The following CDK8 variants were observed in gnomAD, a reference collection of about 807,000 sequenced individuals.
The protein encoded by CDK8 is cyclin-dependent kinase 8.
A neutral mutation model predicts 71.5 loss-of-function variants in CDK8; 29 were observed. The ratio of observed to expected loss-of-function variants is 0.41; its 90% CI spans 0.30 to 0.55. The LOEUF is 0.55. Ranked by LOEUF, CDK8 falls within the 20% of genes least tolerant of loss-of-function variation. The probability of loss-of-function intolerance (pLI) is 0.37; values close to 1 mark genes in which losing one functional copy is unlikely to be tolerated. For missense variants in CDK8, 288 were observed against 572.6 expected, an observed-to-expected ratio of 0.50 and a Z score of 5.07; for synonymous variants, 161 against 192.1, an observed-to-expected ratio of 0.84 and a Z score of 1.34.
intron 1 of CDK8, among the ~76,000 whole-genome samples, chr13:26,330,562 C>T (rs1240896633): frequency 6.6e-6 from 1 of 152,156 alleles, no homozygotes. Flanking sequence ...TTTCATTCAC[C>T]CTTTTGCCTC....
intron 1 of CDK8, among the ~76,000 whole-genome samples, chr13:26,287,433 G>A (rs886209043): frequency 1.3e-5 from 2 of 152,204 alleles, no homozygotes; most frequent in African/African-American, 4.8e-5. Context: ...CCTGGATGGA[G>A]TCGGAGACCA....
intron 1 of CDK8, among the ~76,000 whole-genome samples, chr13:26,268,256 AACAC>A (rs3027999): frequency 0.089 from 10,408 of 116,584 alleles, 550 homozygotes; most frequent in South Asian, 0.15. Flanking sequence ...CCCCTCCCCC[AACAC>A]ACACACACAC....
intron 4 of CDK8, among the ~76,000 whole-genome samples, chr13:26,360,868 A>G (rs896434217): frequency 4.6e-5 from 7 of 152,162 alleles, no homozygotes; most frequent in Non-Finnish European, 8.8e-5. Context: ...AGTGGTGCAC[A>G]AAAGCTTCCC....
intron 7 of CDK8, among the ~76,000 whole-genome samples, chr13:26,395,487 CAA>C (rs11361110): frequency 0.01 from 977 of 94,294 alleles, 10 homozygotes; most frequent in African/African-American, 0.029. Context: ...AACTCCGTCT[CAA>C]AAAAAAAAAA....
chr13:26,287,040 T>C (rs941536099), intron 1 of CDK8, among the ~76,000 whole-genome samples: 1 of 152,086 alleles, frequency 6.6e-6, no homozygotes, highest in Non-Finnish European at 1.5e-5. Flanking sequence ...GGGAACACTT[T>C]TACACTGCTG....
chr13:26,286,575 G>A (rs142151714), intron 1 of CDK8, among the ~76,000 whole-genome samples: 1,878 of 152,202 alleles, frequency 0.012, 17 homozygotes, highest in Non-Finnish European at 0.017. Flanking sequence ...AGATAACATC[G>A]GAAAAACCCT....
chr13:26,356,215 C>T (rs1163184522), intron 4 of CDK8, among the ~76,000 whole-genome samples: 1 of 152,094 alleles, frequency 6.6e-6, no homozygotes, highest in Non-Finnish European at 1.5e-5. Context: ...AATAATAAAG[C>T]ACATTAAAAG....
intron 9 of CDK8, among the ~76,000 whole-genome samples, chr13:26,399,263 G>A (rs1876142844): frequency 6.6e-6 from 1 of 152,124 alleles, no homozygotes; most frequent in African/African-American, 2.4e-5. Flanking sequence ...ATCCACCTTG[G>A]CCTCCCAAAG....
intron 1 of CDK8, among the ~76,000 whole-genome samples, chr13:26,265,434 A>G (rs1485095022): frequency 6.6e-6 from 1 of 152,178 alleles, no homozygotes; most frequent in African/African-American, 2.4e-5. Context: ...AGAAATTGTG[A>G]ATGGGCAATA....
At chr13:26,270,521 C>A (rs1254509123) in intron 1 of CDK8, among the ~76,000 whole-genome samples, 1 of 152,126 alleles carries the variant, frequency 6.6e-6, no homozygotes, top group South Asian at 2.1e-4. Context: ...AACCCCGTAC[C>A]CATTAGCAAT....
In CDK8 at chr13:26,310,297, G is replaced by A. The variant is rs374472745; in HGVS notation, c.129-27270G>A. Among the ~76,000 whole-genome samples the A allele has an allele frequency of 7.2e-5, 11 of 152,216 alleles. No individual in the cohort carries two copies. In the East Asian group the frequency reaches 7.7e-4, roughly 11 times the overall value. ...TGAAATTGTACAGTGTTGGTGAGCC[G>A]TTAAGTTTTTAACTTGTTCCCTCTA... On this transcript the variant is annotated intron_variant, in intron 1 of 12. Coordinates refer to ENST00000381527, the MANE Select transcript of CDK8 (RefSeq NM_001260.3).
At chr13:26,400,600 A>G (rs1405710927) in intron 10 of CDK8, 50 bp downstream of exon 10, 2 of 1,110,630 alleles carry the variant, frequency 1.8e-6, no homozygotes, top group Admixed American at 3.4e-5. Context: ...GTTTTGGAGT[A>G]TGCTTTCTTC....
intron 1 of CDK8, among the ~76,000 whole-genome samples, chr13:26,309,507 T>A (rs58778202): frequency 6.6e-6 from 1 of 152,162 alleles, no homozygotes; most frequent in African/African-American, 2.4e-5. Flanking sequence ...TATTATACTT[T>A]AGTGATTTTC....
At chr13:26,272,516 C>T (rs889135010) in intron 1 of CDK8, among the ~76,000 whole-genome samples, 2 of 152,160 alleles carry the variant, frequency 1.3e-5, no homozygotes, top group African/African-American at 4.8e-5. Context: ...CCTGAAGGAC[C>T]TGCCTGAGGC....
intron 1 of CDK8, among the ~76,000 whole-genome samples, chr13:26,318,638 A>G (rs1005604032): frequency 2.0e-5 from 3 of 152,210 alleles, no homozygotes; most frequent in African/African-American, 4.8e-5. Flanking sequence ...TATTCCTGAA[A>G]TGCAAGCGTG....
At chr13:26,293,805 A>G (rs1873415244) in intron 1 of CDK8, among the ~76,000 whole-genome samples, 1 of 151,904 alleles carries the variant, frequency 6.6e-6, no homozygotes, top group South Asian at 2.1e-4. Flanking sequence ...ACACATATCT[A>G]CTCTGCAATT....
intron 4 of CDK8, among the ~76,000 whole-genome samples, chr13:26,374,172 G>A (rs771124795): frequency 9.2e-5 from 14 of 152,040 alleles, no homozygotes; most frequent in Non-Finnish European, 1.9e-4. Context: ...CTGCACTCCA[G>A]CCTGGACAAC....
Position 26,254,595 on chromosome 13 carries a change from G to GCCCCCCCGCCCCCCCC in CDK8, c.-41_-40insCGCCCCCCCCCCCCCC. The GCCCCCCCGCCCCCCCC allele has an allele frequency of 8.4e-7, 1 of 1,194,426 alleles. No homozygotes were observed. Among genetic ancestry groups the GCCCCCCCGCCCCCCCC allele is most frequent in the Non-Finnish European group, 1.2e-6 (1 of 847,008 alleles). 74.0% of individuals were successfully genotyped at this position (1,194,426 alleles called of 1,614,324 possible). On this transcript the variant is annotated 5_prime_UTR_variant, in exon 1 of 13. Transcript: ENST00000381527. The surrounding 1 kb of genome is among the most constrained non-coding windows in gnomAD (Gnocchi z 6.7). ...CCGTGCTTCCCCGGTCCCCACCCCTGCCCCCCGGCCCCCCGACCCAGCTCT... is the reference window on the plus strand; with the variant it reads ...CCGTGCTTCCCCGGTCCCCACCCCTGCCCCCCCGCCCCCCCCCCCCCCGGCCCCCCGACCCAGCTCT...
At chr13:26,367,041 T>C (rs1052249626) in intron 4 of CDK8, among the ~76,000 whole-genome samples, 4 of 152,116 alleles carry the variant, frequency 2.6e-5, no homozygotes, top group African/African-American at 9.7e-5. Context: ...TTCTGTCTTA[T>C]TAGAGTAAAC....
Sources: allele counts gnomAD v4.1 joint callset (sites outside exome capture counted in the v4.1 genomes callset), GRCh38; gene constraint gnomAD v4.1.1; non-coding constraint Gnocchi (gnomAD v3.1); transcripts MANE v1.5; gene names NCBI Gene and HGNC (gene_info 2026-07-23, HGNC 2026-07-21).